The following CSMD1 variants were observed in gnomAD, a reference collection of about 807,000 sequenced individuals.
CSMD1 encodes CUB and Sushi multiple domains 1.
In CSMD1, 213 loss-of-function variants were observed where a neutral mutation model predicts 417.5. That is an observed-to-expected ratio of 0.51 (90% CI 0.46 to 0.57). CSMD1 has a LOEUF of 0.57. Among genes scored for constraint, CSMD1 ranks in the 20% least tolerant of loss-of-function variants. The pLI, the probability that CSMD1 is intolerant of heterozygous loss-of-function variation, is 0.00. For missense variants in CSMD1, 6,923 were observed against 4,529.7 expected (o/e 1.53, Z -15.17); for synonymous variants, 2,862 against 1,736.8 (o/e 1.65, Z -16.11).
At chr8:2,943,296 C>A (rs1002944294) in intron 68 of CSMD1, among the ~76,000 whole-genome samples, 32 of 151,098 alleles carry the variant, frequency 2.1e-4, no homozygotes, top group African/African-American at 7.8e-4. Context: ...GGAGTGATCT[C>A]AGCTCATTGC....
At chr8:4,570,515 G>A (rs548590802) in intron 2 of CSMD1, among the ~76,000 whole-genome samples, 23 of 152,296 alleles carry the variant, frequency 1.5e-4, no homozygotes, top group African/African-American at 5.5e-4. Context: ...AGCTTATGAT[G>A]TGCTGCTGGA....
chr8:4,890,711 T>C (rs1804060614), intron 1 of CSMD1, among the ~76,000 whole-genome samples: 1 of 152,150 alleles, frequency 6.6e-6, no homozygotes, highest in African/African-American at 2.4e-5. Flanking sequence ...CTGCATGTTA[T>C]TAGGTCGCTG....
intron 5 of CSMD1, among the ~76,000 whole-genome samples, chr8:3,762,645 GC>G (rs1798073396): frequency 6.6e-6 from 1 of 152,176 alleles, no homozygotes; most frequent in African/African-American, 2.4e-5. Context: ...AGGTATAATC[GC>G]CCTGCTGACG....
chr8:3,470,136 T>A (rs1375213639), intron 11 of CSMD1, among the ~76,000 whole-genome samples: 1 of 152,172 alleles, frequency 6.6e-6, no homozygotes, highest in South Asian at 2.1e-4. Context: ...CACCATCCTC[T>A]CCTCCCATCT....
At chr8:4,191,191 T>C (rs556811016) in intron 3 of CSMD1, among the ~76,000 whole-genome samples, 1 of 152,130 alleles carries the variant, frequency 6.6e-6, no homozygotes. Context: ...CGTCAGGAGA[T>C]TGAGACCATC....
At chr8:3,669,408 G>T (rs79144252) in intron 7 of CSMD1, among the ~76,000 whole-genome samples, 1 of 152,138 alleles carries the variant, frequency 6.6e-6, no homozygotes, top group Admixed American at 6.6e-5. Flanking sequence ...CAGTCTAGGG[G>T]TTCGTGTTTA....
chr8:4,934,594 A>G (rs1233465009), intron 1 of CSMD1, among the ~76,000 whole-genome samples: 1 of 152,130 alleles, frequency 6.6e-6, no homozygotes, highest in Non-Finnish European at 1.5e-5. Flanking sequence ...CAGGCCCAAT[A>G]TAATGTCTAC....
chr8:4,047,210 G>C (rs1327207128), intron 3 of CSMD1, among the ~76,000 whole-genome samples: 2 of 152,130 alleles, frequency 1.3e-5, no homozygotes, highest in African/African-American at 2.4e-5. Context: ...TAACTCATGT[G>C]TATTTCAGTC....
At chr8:4,660,073 C>T (rs1804494671) in intron 1 of CSMD1, among the ~76,000 whole-genome samples, 2 of 149,210 alleles carry the variant, frequency 1.3e-5, no homozygotes, top group Admixed American at 1.3e-4. Flanking sequence ...GAAAGGATGT[C>T]CACTCTTATT....
At position 3,700,261 on chromosome 8, in the gene CSMD1, T is replaced by C. The variant is rs538454696; in HGVS notation, c.1009+8153A>G. ...GTACCCCAATAACTTATGGAAAAAA[T>C]ACGAAAAATAATTTTTTACAAAAGA... On this transcript the variant is annotated intron_variant, in intron 7 of 69. Transcript: ENST00000635120. Among the ~76,000 whole-genome samples, 6 of 152,076 alleles carry C rather than the reference T, an allele frequency of 3.9e-5. No homozygotes were observed. The South Asian group carries it at 1.0e-3, about 26-fold the overall frequency.
intron 1 of CSMD1, among the ~76,000 whole-genome samples, chr8:4,792,977 G>A (rs1481779515): frequency 1.2e-5 from 1 of 84,420 alleles, no homozygotes; most frequent in Non-Finnish European, 2.6e-5. Context: ...GTATATATGT[G>A]TATGCAATAT....
At chr8:3,352,405 G>C (rs189659190) in intron 21 of CSMD1, among the ~76,000 whole-genome samples, 320 of 152,264 alleles carry the variant, frequency 2.1e-3, no homozygotes, top group Non-Finnish European at 3.1e-3. Flanking sequence ...AATTTCAATA[G>C]AAGAGAAGTA....
intron 1 of CSMD1, among the ~76,000 whole-genome samples, chr8:4,759,597 T>C (rs576824368): frequency 1.3e-5 from 2 of 152,068 alleles, no homozygotes; most frequent in Non-Finnish European, 2.9e-5. Context: ...CCCATGTGTG[T>C]TGTTCCCCTC....
intron 3 of CSMD1, among the ~76,000 whole-genome samples, chr8:4,214,272 T>C (rs1417263355): frequency 6.6e-6 from 1 of 152,202 alleles, no homozygotes; most frequent in Non-Finnish European, 1.5e-5. Flanking sequence ...CAAGAAAATT[T>C]TACCTTATTA....
At chr8:4,205,409 T>A (rs1290348652) in intron 3 of CSMD1, among the ~76,000 whole-genome samples, 1 of 152,228 alleles carries the variant, frequency 6.6e-6, no homozygotes, top group Non-Finnish European at 1.5e-5. Context: ...GCCTCATCTC[T>A]TTTTAGTATC....
chr8:3,892,593 C>T (rs1322146537), intron 5 of CSMD1, among the ~76,000 whole-genome samples: 1 of 151,904 alleles, frequency 6.6e-6, no homozygotes, highest in East Asian at 1.9e-4. Flanking sequence ...TAAATCTGTT[C>T]TCTCCCCACT....
At chr8:3,445,088 G>A (rs1815216382) in intron 12 of CSMD1, among the ~76,000 whole-genome samples, 1 of 151,970 alleles carries the variant, frequency 6.6e-6, no homozygotes, top group Admixed American at 6.6e-5. Flanking sequence ...AAATTCAACA[G>A]GGAAAAAGAA....
intron 1 of CSMD1, among the ~76,000 whole-genome samples, chr8:4,984,430 A>G (rs187522488): frequency 2.8e-4 from 43 of 152,296 alleles, no homozygotes; most frequent in African/African-American, 1.0e-3. Context: ...CAATGAATCA[A>G]TGTCTGAGAA....
intron 1 of CSMD1, among the ~76,000 whole-genome samples, chr8:4,751,307 C>T (rs1811309674): frequency 6.6e-6 from 1 of 152,136 alleles, no homozygotes; most frequent in Non-Finnish European, 1.5e-5. Flanking sequence ...ATCGCTTGAA[C>T]CCAGGAAGTG....
Sources: allele counts gnomAD v4.1 joint callset (sites outside exome capture counted in the v4.1 genomes callset), GRCh38; gene constraint gnomAD v4.1.1; transcripts MANE v1.5; gene names NCBI Gene and HGNC (gene_info 2026-07-23, HGNC 2026-07-21).